Variants in RHOQ observed in about 807,000 individuals in gnomAD.
RHOQ encodes the protein ras homolog family member Q, also known as rho-related GTP-binding protein RhoQ.
Under a neutral mutation model 25.8 loss-of-function variants are expected in RHOQ, and 7 were observed. The observed-to-expected ratio is 0.27, with a 90% CI of 0.15 to 0.51. RHOQ has a LOEUF of 0.51. RHOQ is among the 20% of genes least tolerant of loss of function. RHOQ has a pLI of 0.97. For missense variants in RHOQ, 165 were observed against 260.6 expected (o/e 0.63, Z 2.53); for synonymous variants, 97 against 98.6 (o/e 0.98, Z 0.10).
chr2:46,576,448 A>G lies in RHOQ; in HGVS notation c.367-113A>G. ...TTATTTTCCTGGTTTTTAAAAATTA[A>G]GTTCTTTTGTTTAATCTTTTTTTGG... On this transcript the variant is annotated intron_variant, in intron 3 of 4. Coordinates refer to ENST00000238738, the MANE Select transcript of RHOQ (RefSeq NM_012249.4). This position sits in a 1 kb window ranked among gnomAD's most constrained non-coding sequence, Gnocchi z 5.1. 3.3e-6 allele frequency: 3 copies of G among 918,584 alleles called. No homozygotes were observed. The highest frequency in any genetic ancestry group is 4.9e-6 in the Non-Finnish European group (3 of 609,266). The allele number at this position is 918,584 out of a possible 1,614,324, so 56.9% of individuals were successfully genotyped here.
At chr2:46,546,885 A>C (rs1668087079) in intron 2 of RHOQ, among the ~76,000 whole-genome samples, 1 of 152,124 alleles carries the variant, frequency 6.6e-6, no homozygotes, top group Non-Finnish European at 1.5e-5. Context: ...CTAGAATGCC[A>C]GATCCTAGAA....
intron 1 of RHOQ, 115 bp from the exon 2 acceptor site, chr2:46,543,639 G>A: frequency 1.2e-6 from 1 of 844,090 alleles, no homozygotes; most frequent in Non-Finnish European, 1.9e-6. Flanking sequence ...CTCGCGGGGA[G>A]CGCCCCCACG....
chr2:46,544,209 G>A (rs1365767497), intron 2 of RHOQ, among the ~76,000 whole-genome samples: 1 of 152,156 alleles, frequency 6.6e-6, no homozygotes, highest in Non-Finnish European at 1.5e-5. Flanking sequence ...CCTGCCCAAG[G>A]AGCCTGATTG....
At chr2:46,559,730 C>A (rs887720658) in intron 2 of RHOQ, among the ~76,000 whole-genome samples, 1 of 152,192 alleles carries the variant, frequency 6.6e-6, no homozygotes, top group Non-Finnish European at 1.5e-5. Flanking sequence ...TTGAGAACCA[C>A]TGTTGTAGGG....
chr2:46,546,563 G>GA (rs1668076729), intron 2 of RHOQ, among the ~76,000 whole-genome samples: 1 of 133,904 alleles, frequency 7.5e-6, no homozygotes, highest in African/African-American at 2.8e-5. Context: ...GGGCAGCAGA[G>GA]AAAGGTCCAT....
At chr2:46,568,767 G>A (rs1249349687) in intron 2 of RHOQ, 1 of 152,150 alleles carries the variant, frequency 6.6e-6, no homozygotes, top group Non-Finnish European at 1.5e-5. Context: ...CTAGCTGAGA[G>A]CCCTGTGCCT....
chr2:46,545,269 G>A (rs529739817), intron 2 of RHOQ, among the ~76,000 whole-genome samples: 2 of 152,134 alleles, frequency 1.3e-5, no homozygotes, highest in African/African-American at 4.8e-5. Context: ...CTTTTAAGTC[G>A]TATTATTGAT....
rs562475724 is a variant in RHOQ, at chr2:46,552,861, G to A, written c.201+9049G>A. The stretch of plus-strand genomic sequence containing the variant: ...GGGGCCTATTTATTGGGGGCACAGA[G>A]GAGGAAGGCTTATCCTTCCAAGGAG... On this transcript the variant is annotated intron_variant, in intron 2 of 4. Transcript: ENST00000238738. The surrounding 1 kb of genome is among the most constrained non-coding windows in gnomAD (Gnocchi z 5.0). Among the ~76,000 whole-genome samples, 1 of 152,348 alleles carries A rather than the reference G, an allele frequency of 6.6e-6. No homozygotes were observed. Among genetic ancestry groups the A allele is most frequent in the South Asian group, 2.1e-4 (1 of 4,824 alleles).
chr2:46,547,751 T>A (rs1266917737), intron 2 of RHOQ, among the ~76,000 whole-genome samples: 1 of 152,184 alleles, frequency 6.6e-6, no homozygotes, highest in Non-Finnish European at 1.5e-5. Context: ...CAGTGTAGGC[T>A]CTGCAGCAAC....
chr2:46,546,941 A>G (rs576916124), intron 2 of RHOQ, among the ~76,000 whole-genome samples: 64 of 152,264 alleles, frequency 4.2e-4, no homozygotes, highest in Non-Finnish European at 5.4e-4. Context: ...TGTAATTCCC[A>G]TAGTCCCTAT....
At position 46,552,298 on chromosome 2, in the gene RHOQ, A is replaced by G. The variant is rs1373225063; in HGVS notation, c.201+8486A>G. 2.6e-5 allele frequency among the ~76,000 whole-genome samples: 4 copies of G among 152,120 alleles called. No individual in the cohort carries two copies. Among genetic ancestry groups the G allele is most frequent in the Non-Finnish European group, 5.9e-5 (4 of 68,024 alleles). ...GGCCCGAGGTGGCGCTGATGGCCCC[A>G]TTGCTCAAGTACGTGTGGAAGAAGC... is the stretch of plus-strand genomic sequence containing the variant. On this transcript the variant is annotated intron_variant, in intron 2 of 4. Coordinates refer to ENST00000238738, the MANE Select transcript of RHOQ (RefSeq NM_012249.4). The surrounding 1 kb of genome is among the most constrained non-coding windows in gnomAD (Gnocchi z 5.0).
rs897882303 is a variant in RHOQ, at chr2:46,552,165, G to T, written c.201+8353G>T. Among the ~76,000 whole-genome samples the T allele has an allele frequency of 1.3e-5, 2 of 151,118 alleles. No individual in the cohort carries two copies. Among genetic ancestry groups the T allele is most frequent in the African/African-American group, 4.9e-5 (2 of 40,422 alleles). On this transcript the variant is annotated intron_variant, in intron 2 of 4. Transcript: ENST00000238738. The surrounding 1 kb of genome is among the most constrained non-coding windows in gnomAD (Gnocchi z 5.0). ...GGAACATTGTGTATAGGTGGAACAC[G>T]TAGGGACGGCTGCTAAAACGGCTCC...
intron 2 of RHOQ, among the ~76,000 whole-genome samples, chr2:46,573,194 G>C (rs111900567): frequency 3.3e-4 from 50 of 152,088 alleles, no homozygotes; most frequent in African/African-American, 1.1e-3. Context: ...CTTCCGAATA[G>C]CTGGGATTAC....
intron 2 of RHOQ, chr2:46,560,644 T>A (rs1326813359): frequency 4.4e-6 from 2 of 456,156 alleles, no homozygotes; most frequent in Non-Finnish European, 8.8e-6. Flanking sequence ...CCAGGATCTG[T>A]TGTGTCCACT....
intron 4 of RHOQ, among the ~76,000 whole-genome samples, chr2:46,578,508 G>A (rs1032594572): frequency 9.1e-5 from 13 of 142,252 alleles, no homozygotes; most frequent in African/African-American, 3.1e-4. Flanking sequence ...GAGGTGGGTG[G>A]ATCGTTTGAG....
At chr2:46,546,134 C>G (rs1033016653) in intron 2 of RHOQ, among the ~76,000 whole-genome samples, 3 of 151,874 alleles carry the variant, frequency 2.0e-5, no homozygotes, top group East Asian at 1.9e-4. Flanking sequence ...ATGATGAGAC[C>G]AAATGGCAAG....
At chr2:46,568,253 C>T (rs972786123) in intron 2 of RHOQ, 1 of 152,162 alleles carries the variant, frequency 6.6e-6, no homozygotes, top group African/African-American at 2.4e-5. Flanking sequence ...CTGACAAATC[C>T]AGTTTCTCAG....
At position 46,581,924 on chromosome 2, in the gene RHOQ, A is replaced by ATT; in HGVS notation, c.*852_*853dup. Reference sequence around the variant, plus strand: ...ATTTAGCTCTCTGAACTAGTTGGTAATTTTTTTTTTTTAATTCCCACTTTG... The same window carrying ATT: ...ATTTAGCTCTCTGAACTAGTTGGTAATTTTTTTTTTTTTTAATTCCCACTTTG... On this transcript the variant is annotated 3_prime_UTR_variant, in exon 5 of 5. Transcript: ENST00000238738. 3.3e-5 allele frequency: 6 copies of ATT among 183,408 alleles called. No individual in the cohort carries two copies. Among genetic ancestry groups the ATT allele is most frequent in the South Asian group, 2.9e-4 (3 of 10,312 alleles). The allele number at this position is 183,408 out of a possible 1,614,324, so 11.4% of individuals were successfully genotyped here. A position where few individuals can be genotyped will look rare whatever the true frequency, so the allele number is the denominator to read the frequency against.
chr2:46,584,440 C>A lies in RHOQ; in HGVS notation c.*3357C>A, dbSNP rs1237931668. On this transcript the variant is annotated 3_prime_UTR_variant, in exon 5 of 5. Transcript: ENST00000238738. ...CCCAGCTAGATTCCAATTTGGGTTACTAAATTGTATTTTAATCATTTTGTA... is the reference window on the plus strand; with the variant it reads ...CCCAGCTAGATTCCAATTTGGGTTAATAAATTGTATTTTAATCATTTTGTA... Among the ~76,000 whole-genome samples, 1 of 152,126 alleles carries A rather than the reference C, an allele frequency of 6.6e-6. No individual in the cohort carries two copies. Among genetic ancestry groups the A allele is most frequent in the African/African-American group, 2.4e-5 (1 of 41,432 alleles).
Sources: allele counts gnomAD v4.1 joint callset (sites outside exome capture counted in the v4.1 genomes callset), GRCh38; gene constraint gnomAD v4.1.1; non-coding constraint Gnocchi (gnomAD v3.1); transcripts MANE v1.5; gene names NCBI Gene and HGNC (gene_info 2026-07-23, HGNC 2026-07-21).